SMAD9: variants seen among roughly 807,000 people sequenced by gnomAD.
SMAD9 encodes the protein SMAD family member 9.
A neutral mutation model predicts 46.1 loss-of-function variants in SMAD9; 36 were observed. The observed-to-expected ratio is 0.78, with a 90% CI of 0.60 to 1.03. The LOEUF is 1.03. SMAD9 is among the 50% of genes least tolerant of loss of function. The pLI, the probability that SMAD9 is intolerant of heterozygous loss-of-function variation, is 0.00. For missense variants in SMAD9, 572 were observed against 599.8 expected (o/e 0.95, Z 0.48); for synonymous variants, 245 against 237.1 (o/e 1.03, Z -0.31).
chr13:36,872,625 C>T lies in SMAD9; in HGVS notation c.670+33G>A, dbSNP rs116137051. On this transcript the variant is annotated intron_variant, in intron 3 of 6. Coordinates refer to ENST00000379826, the MANE Select transcript of SMAD9 (RefSeq NM_001127217.3). Reference sequence around the variant, plus strand: ...AATCATGATGTTGGGCTTATTTTCCCGTATTTCCCCACAGACCATAGTTCT... The same window carrying T: ...AATCATGATGTTGGGCTTATTTTCCTGTATTTCCCCACAGACCATAGTTCT... 8.5e-4 allele frequency: 1,377 copies of T among 1,612,124 alleles called. 7 individuals carry two copies. In the African/African-American group the frequency reaches 0.016, roughly 19 times the overall value.
chr13:36,879,740 G>A lies in SMAD9; in HGVS notation c.-51C>T, dbSNP rs768672674. ...GCACGGGAACCGCACAGCCCTTCAC[G>A]GCAAAGTGGGCGGCGAGTAGCTCTC... is the stretch of plus-strand genomic sequence containing the variant. On this transcript the variant is annotated 5_prime_UTR_variant, in exon 2 of 7. Transcript: ENST00000379826. 3.5e-5 allele frequency: 56 copies of A among 1,604,912 alleles called. No homozygotes were observed. Among genetic ancestry groups the A allele is most frequent in the African/African-American group, 5.4e-5 (4 of 74,762 alleles).
rs1333972858 is a variant in SMAD9 at position 36,845,922 on chromosome 13, C to T, written c.*2754G>A. 1 of 152,050 alleles carries T rather than the reference C, an allele frequency of 6.6e-6. No homozygotes were observed. The highest frequency in any genetic ancestry group is 2.4e-5 in the African/African-American group (1 of 41,394). 9.4% of individuals were successfully genotyped at this position (152,050 alleles called of 1,614,324 possible). On this transcript the variant is annotated 3_prime_UTR_variant, in exon 7 of 7. Transcript: ENST00000379826. ...TTCAGATTCACTGCAATATTGTGTT[C>T]TGGCTTCCCAAAGCTGCAGGGAAAT... is the stretch of plus-strand genomic sequence containing the variant.
chr13:36,916,262 G>A (rs992520551), intron 1 of SMAD9, among the ~76,000 whole-genome samples: 2 of 152,220 alleles, frequency 1.3e-5, no homozygotes, highest in African/African-American at 2.4e-5. Context: ...GTGTTTCATT[G>A]TGGTAGCCGT....
intron 1 of SMAD9, among the ~76,000 whole-genome samples, chr13:36,880,675 G>A (rs1408509876): frequency 6.6e-6 from 1 of 152,030 alleles, no homozygotes; most frequent in Admixed American, 6.6e-5. Context: ...AACTAACTTC[G>A]CTTCACATAC....
intron 1 of SMAD9, among the ~76,000 whole-genome samples, chr13:36,882,227 CTGTGTGTGTG>C (rs61006734): frequency 3.6e-4 from 54 of 149,424 alleles, no homozygotes; most frequent in Middle Eastern, 3.4e-3. Flanking sequence ...CAGGTATGTG[CTGTGTGTGTG>C]TGTGTGTGTG....
At chr13:36,874,764 AG>A (rs2058329416) in intron 2 of SMAD9, among the ~76,000 whole-genome samples, 5 of 145,074 alleles carry the variant, frequency 3.4e-5, no homozygotes, top group Admixed American at 2.1e-4. Context: ...GGGCTGAGGT[AG>A]GAGAATGGCG....
At chr13:36,869,851 A>C (rs1168582800) in intron 3 of SMAD9, among the ~76,000 whole-genome samples, 1 of 152,148 alleles carries the variant, frequency 6.6e-6, no homozygotes, top group Admixed American at 6.5e-5. Context: ...ATGGTTAAAC[A>C]AATTTTGTGT....
At chr13:36,896,144 TTTATTTG>T in intron 1 of SMAD9, among the ~76,000 whole-genome samples, 1 of 123,430 alleles carries the variant, frequency 8.1e-6, no homozygotes, top group Non-Finnish European at 1.9e-5. Flanking sequence ...TATTTATTTA[TTTATTTG>T]AGACAGGGTC....
intron 1 of SMAD9, among the ~76,000 whole-genome samples, chr13:36,895,312 T>G (rs1282793021): frequency 6.6e-6 from 1 of 152,164 alleles, no homozygotes; most frequent in Non-Finnish European, 1.5e-5. Context: ...TGAGCTCACT[T>G]GCATCTCTGT....
rs1400292231 is a variant in SMAD9 at position 36,865,727 on chromosome 13, CT to C, written c.812del (p.Gln271ArgfsTer11). 1 of 1,614,022 alleles carries C rather than the reference CT, an allele frequency of 6.2e-7. No individual in the cohort carries two copies. On this transcript the variant is annotated frameshift_variant, in exon 5 of 7. Transcript: ENST00000379826. LOFTEE classifies it high-confidence loss of function. The stretch of plus-strand genomic sequence containing the variant: ...CATAGTAGGCGACCGAGCACCAGTG[CT>C]GGGGCTCCTCGTAACAAACTGGTCG... ...DFRPVCYEEP[Q>X]HWCSVAYYEL...
At chr13:36,894,461 A>G (rs1363367305) in intron 1 of SMAD9, among the ~76,000 whole-genome samples, 1 of 152,168 alleles carries the variant, frequency 6.6e-6, no homozygotes, top group Non-Finnish European at 1.5e-5. Context: ...TTTTCTTTAT[A>G]AATTACTCAG....
chr13:36,876,180 CG>C (rs199651267), intron 2 of SMAD9, among the ~76,000 whole-genome samples: 1 of 151,896 alleles, frequency 6.6e-6, no homozygotes, highest in Non-Finnish European at 1.5e-5. Flanking sequence ...CAGTGTCACA[CG>C]GGGGGAGACA....
chr13:36,850,807 T>C (rs8001293), intron 6 of SMAD9, among the ~76,000 whole-genome samples: 1 of 152,244 alleles, frequency 6.6e-6, no homozygotes, highest in African/African-American at 2.4e-5. Flanking sequence ...CAGACTCTTA[T>C]ATCGAACTGG....
rs968293992 is a variant in SMAD9 at position 36,852,031 on chromosome 13, T to C, written c.1260+1388A>G. ...TGCCGTTTCTAAAGCAACAGAACAT[T>C]TGAAAAGATTTCGAAGTTATTTGTT... On this transcript the variant is annotated intron_variant, in intron 6 of 6. Coordinates refer to ENST00000379826, the MANE Select transcript of SMAD9 (RefSeq NM_001127217.3). The C allele has an allele frequency of 6.1e-6, 6 of 977,932 alleles. No individual in the cohort carries two copies. The African/African-American group carries it at 1.1e-4, about 17-fold the overall frequency. 60.6% of individuals were successfully genotyped at this position (977,932 alleles called of 1,614,324 possible).
In SMAD9 at chr13:36,865,796, C is replaced by G. The variant is rs771849232; in HGVS notation, c.782-38G>C. 14 of 1,512,296 alleles carry G rather than the reference C, an allele frequency of 9.3e-6. No individual in the cohort carries two copies. In the South Asian group the frequency reaches 1.6e-4, roughly 17 times the overall value. 93.7% of individuals were successfully genotyped at this position (1,512,296 alleles called of 1,614,324 possible). On this transcript the variant is annotated intron_variant, in intron 4 of 6. Transcript: ENST00000379826. ...AAACCAGAGAACACATGGCTACTGTCATACCTGGGCTGTGTAGTTCATGAT... is the reference window on the plus strand; with the variant it reads ...AAACCAGAGAACACATGGCTACTGTGATACCTGGGCTGTGTAGTTCATGAT...
intron 1 of SMAD9, among the ~76,000 whole-genome samples, chr13:36,908,288 CAA>C (rs1270648829): frequency 6.6e-6 from 1 of 152,118 alleles, no homozygotes; most frequent in Non-Finnish European, 1.5e-5. Flanking sequence ...TTTCTCAGAA[CAA>C]GTTATTCTTG....
chr13:36,879,954 A>G, intron 1 of SMAD9, 79 bp from the exon 2 acceptor site: 1 of 503,022 alleles, frequency 2.0e-6, no homozygotes, highest in Non-Finnish European at 3.6e-6. Context: ...GAAAGAGGCA[A>G]TCTACACCTA....
At chr13:36,873,297 C>T (rs368201538) in intron 2 of SMAD9, among the ~76,000 whole-genome samples, 2 of 152,174 alleles carry the variant, frequency 1.3e-5, no homozygotes, top group Non-Finnish European at 2.9e-5. Flanking sequence ...CTGATTGTTA[C>T]GTCTTTCTTT....
In SMAD9 at chr13:36,879,830, G is replaced by A. The variant is rs886050172; in HGVS notation, c.-141C>T. On this transcript the variant is annotated 5_prime_UTR_variant, in exon 2 of 7. Transcript: ENST00000379826. Reference sequence around the variant, plus strand: ...AGCAGCTGGGACCAATTCAAGTTGCGAAGTGTGTTGACTTTCTCCTAAGCC... The same window carrying A: ...AGCAGCTGGGACCAATTCAAGTTGCAAAGTGTGTTGACTTTCTCCTAAGCC... 1.5e-4 allele frequency: 127 copies of A among 861,286 alleles called. No homozygotes were observed. Among genetic ancestry groups the A allele is most frequent in the Middle Eastern group, 3.5e-4 (1 of 2,854 alleles). 53.4% of individuals were successfully genotyped at this position (861,286 alleles called of 1,614,324 possible).
Sources: gnomAD v4.1 joint callset for allele counts (sites outside exome capture counted in the v4.1 genomes callset) on GRCh38, gnomAD v4.1.1 for gene constraint, MANE v1.5 for transcripts, NCBI Gene and HGNC (gene_info 2026-07-23, HGNC 2026-07-21) for gene names.